Variants in STIM2 observed in about 807,000 individuals in gnomAD.
STIM2 encodes the protein stromal interaction molecule 2.
A neutral mutation model predicts 85.8 loss-of-function variants in STIM2; 31 were observed. The ratio of observed to expected loss-of-function variants is 0.36; its 90% CI spans 0.27 to 0.49. The LOEUF is 0.49. STIM2 is among the 20% of genes least tolerant of loss of function. STIM2 has a pLI of 0.98. For synonymous variants in STIM2, 356 were observed against 331.1 expected (o/e 1.08, Z -0.82); for missense variants, 841 against 927.6 (o/e 0.91, Z 1.21).
At chr4:26,862,212 G>T (rs1340320241) in intron 1 of STIM2, among the ~76,000 whole-genome samples, 3 of 151,954 alleles carry the variant, frequency 2.0e-5, no homozygotes, top group Non-Finnish European at 2.9e-5. Flanking sequence ...CCTTTTTAAA[G>T]CCTTCCGGTG....
chr4:26,934,638 G>A (rs1346704907), intron 2 of STIM2, among the ~76,000 whole-genome samples: 1 of 152,166 alleles, frequency 6.6e-6, no homozygotes, highest in Non-Finnish European at 1.5e-5. Flanking sequence ...ACAAGGCTAG[G>A]CGCGGTGGCT....
At chr4:26,887,965 G>A (rs962529474) in intron 1 of STIM2, among the ~76,000 whole-genome samples, 2 of 152,190 alleles carry the variant, frequency 1.3e-5, no homozygotes, top group Admixed American at 6.5e-5. Flanking sequence ...TTGGGCAGGC[G>A]ATGATGCTGC....
At chr4:26,934,463 T>C (rs1725323348) in intron 2 of STIM2, among the ~76,000 whole-genome samples, 1 of 152,220 alleles carries the variant, frequency 6.6e-6, no homozygotes, top group South Asian at 2.1e-4. Context: ...CACTTGCTAA[T>C]GTTAATATTT....
intron 10 of STIM2, among the ~76,000 whole-genome samples, chr4:27,013,977 G>T (rs921372226): frequency 1.3e-5 from 2 of 151,344 alleles, no homozygotes; most frequent in African/African-American, 4.9e-5. Flanking sequence ...CATGTTTCTA[G>T]AATATTGTGT....
chr4:26,933,426 G>A (rs1725274252), intron 2 of STIM2, among the ~76,000 whole-genome samples: 1 of 152,248 alleles, frequency 6.6e-6, no homozygotes, highest in East Asian at 1.9e-4. Context: ...ATGCAAATGT[G>A]GAGAAACCTG....
Position 27,003,012 on chromosome 4 carries a change from GC to G in STIM2, c.890del (p.Ala297GlufsTer8). 1.2e-6 allele frequency: 2 copies of G among 1,603,532 alleles called. No individual in the cohort carries two copies. The highest frequency in any genetic ancestry group is 1.7e-6 in the Non-Finnish European group (2 of 1,176,352). On this transcript the variant is annotated frameshift_variant, in exon 7 of 12. Coordinates refer to ENST00000467087, the MANE Select transcript of STIM2 (RefSeq NM_020860.4). LOFTEE classifies it high-confidence loss of function. ...CAAAATGATGGATGAAATCAATTAT[GC>G]AAAGGAGGAGGCTTGTCGGCTGAGA...
intron 3 of STIM2, among the ~76,000 whole-genome samples, chr4:26,978,557 T>A (rs1727280508): frequency 6.6e-6 from 1 of 152,112 alleles, no homozygotes; most frequent in African/African-American, 2.4e-5. Context: ...TGCAGGCTTA[T>A]GTTTTCCTAG....
chr4:26,879,779 A>G (rs368009338), intron 1 of STIM2, among the ~76,000 whole-genome samples: 2 of 152,230 alleles, frequency 1.3e-5, no homozygotes, highest in South Asian at 2.1e-4. Context: ...CTTTGTAAGT[A>G]ATGATTCAGC....
Position 26,956,587 on chromosome 4 carries a change from T to G in STIM2, c.283-1025T>G, listed in dbSNP as rs1025884822. Among the ~76,000 whole-genome samples, 22 of 151,896 alleles carry G rather than the reference T, an allele frequency of 1.4e-4. 1 individual carries two copies. The highest frequency in any genetic ancestry group is 4.4e-5 in the Non-Finnish European group (3 of 67,952). On this transcript the variant is annotated intron_variant, in intron 2 of 11. Coordinates refer to ENST00000467087, the MANE Select transcript of STIM2 (RefSeq NM_020860.4). ...GCCTATCTCTCTCTATATTTCAAAG[T>G]AAGATTAATAGAAGGTATACTTCAG...
At position 26,890,819 on chromosome 4, in the gene STIM2, G is replaced by A. The variant is rs572294079; in HGVS notation, c.152-28685G>A. 5.6e-3 allele frequency among the ~76,000 whole-genome samples: 747 copies of A among 133,860 alleles called. 8 individuals carry two copies. Among genetic ancestry groups the A allele is most frequent in the African/African-American group, 0.021 (704 of 33,920 alleles). 87.8% of individuals were successfully genotyped at this position (133,860 alleles called of 152,430 possible). On this transcript the variant is annotated intron_variant, in intron 1 of 11. Transcript: ENST00000467087. ...AGCCTGGGCGACAGAGCGAGACTCCGTCTCAAAAAAAAAAAAAAAAAAAAG... is the reference window on the plus strand; with the variant it reads ...AGCCTGGGCGACAGAGCGAGACTCCATCTCAAAAAAAAAAAAAAAAAAAAG...
At chr4:26,881,368 A>C (rs1167894872) in intron 1 of STIM2, 1 of 151,326 alleles carries the variant, frequency 6.6e-6, no homozygotes, top group Non-Finnish European at 1.5e-5. Context: ...TGGGAGGCTG[A>C]GGCAGAATAA....
At chr4:26,965,419 A>G (rs954355028) in intron 3 of STIM2, among the ~76,000 whole-genome samples, 1 of 152,092 alleles carries the variant, frequency 6.6e-6, no homozygotes, top group African/African-American at 2.4e-5. Context: ...ATTAGTTATA[A>G]TTGATTTTTG....
chr4:26,986,534 A>G (rs1183220368), intron 3 of STIM2, among the ~76,000 whole-genome samples: 1 of 152,222 alleles, frequency 6.6e-6, no homozygotes, highest in Non-Finnish European at 1.5e-5. Context: ...TACACATGAA[A>G]GGAACAAGTA....
intron 2 of STIM2, among the ~76,000 whole-genome samples, chr4:26,944,117 G>A (rs943884104): frequency 6.6e-6 from 1 of 151,886 alleles, no homozygotes; most frequent in African/African-American, 2.4e-5. Flanking sequence ...AATTAATTTT[G>A]TTTTTATAAT....
intron 1 of STIM2, among the ~76,000 whole-genome samples, chr4:26,869,076 C>A (rs1722510862): frequency 6.6e-6 from 1 of 152,210 alleles, no homozygotes; most frequent in East Asian, 1.9e-4. Flanking sequence ...GGGCAGATCA[C>A]TTGAGCCCAG....
At position 26,860,924 on chromosome 4, in the gene STIM2, C is replaced by CTTTTTT; in HGVS notation, c.-282_-277dup. The CTTTTTT allele has an allele frequency of 9.9e-7, 1 of 1,010,200 alleles. No homozygotes were observed. The highest frequency in any genetic ancestry group is 2.2e-5 in the South Asian group (1 of 46,336). The allele number at this position is 1,010,200 out of a possible 1,614,324, so 62.6% of individuals were successfully genotyped here. On this transcript the variant is annotated 5_prime_UTR_variant, in exon 1 of 12. Transcript: ENST00000467087. Reference sequence around the variant, plus strand: ...GACGCCGTACCTTTCTACCCCCCACCTTTTTTTTTTTTTTTTTTAAATAAC... The same window carrying CTTTTTT: ...GACGCCGTACCTTTCTACCCCCCACCTTTTTTTTTTTTTTTTTTTTTTTTAAATAAC...
At chr4:26,906,961 C>T (rs1472906751) in intron 1 of STIM2, among the ~76,000 whole-genome samples, 8 of 104,366 alleles carry the variant, frequency 7.7e-5, no homozygotes, top group African/African-American at 3.2e-4. Flanking sequence ...AGTGAGACTC[C>T]GTCTCAAAAA....
Position 26,888,027 on chromosome 4 carries a change from A to C in STIM2, c.151+26658A>C, listed in dbSNP as rs531796025. ...CAGAAAAGGCTTTCCTGCTGATTGG[A>C]TCAGGCCCACCCACATTTCCAAGAA... On this transcript the variant is annotated intron_variant, in intron 1 of 11. Transcript: ENST00000467087. Among the ~76,000 whole-genome samples, 7 of 152,308 alleles carry C rather than the reference A, an allele frequency of 4.6e-5. No individual in the cohort carries two copies. The South Asian group carries it at 1.5e-3, about 32-fold the overall frequency.
intron 1 of STIM2, among the ~76,000 whole-genome samples, chr4:26,862,153 A>G (rs1246268661): frequency 6.6e-6 from 1 of 152,142 alleles, no homozygotes; most frequent in Non-Finnish European, 1.5e-5. Flanking sequence ...ACGATCTCAT[A>G]ATTGAAAACT....
Sources: allele counts gnomAD v4.1 joint callset (sites outside exome capture counted in the v4.1 genomes callset), GRCh38; gene constraint gnomAD v4.1.1; transcripts MANE v1.5; gene names NCBI Gene and HGNC (gene_info 2026-07-23, HGNC 2026-07-21).